Variants in PDE6A observed in about 807,000 individuals in gnomAD.
The protein encoded by PDE6A is rod cGMP-specific 3',5'-cyclic phosphodiesterase subunit alpha.
Under a neutral mutation model 106.3 loss-of-function variants are expected in PDE6A, and 84 were observed. That is an observed-to-expected ratio of 0.79 (90% CI 0.66 to 0.95). The LOEUF (loss-of-function observed/expected upper bound fraction) is 0.95, where lower values mean the gene tolerates loss of function less well. Ranked by LOEUF, PDE6A falls within the 40% of genes least tolerant of loss-of-function variation. The pLI is 0.00. For synonymous variants in PDE6A, 394 were observed against 386.6 expected (o/e 1.02, Z -0.23); for missense variants, 1,052 against 1,084.9 (o/e 0.97, Z 0.43).
At chr5:149,912,227 C>A (rs1224772248) in intron 6 of PDE6A, among the ~76,000 whole-genome samples, 1 of 152,174 alleles carries the variant, frequency 6.6e-6, no homozygotes, top group Non-Finnish European at 1.5e-5. Flanking sequence ...AAGCAATCCT[C>A]CTGCCTCAGC....
rs1216725411 is a variant in PDE6A at position 149,944,275 on chromosome 5, G to A, written c.399C>T (p.Val133=). 1 of 1,614,028 alleles carries A rather than the reference G, an allele frequency of 6.2e-7. No homozygotes were observed. The highest frequency in any genetic ancestry group is 8.5e-7 in the Non-Finnish European group (1 of 1,180,012). ...CCACGATGCCCATGTCCAAAGGGAA[G>A]ACGATCTCTTGGTCGGGCATCACCA... ...DCLVMPDQEI[V]FPLDMGIVGH... The change falls in exon 1 of 22, where the codon GTC becomes GTT. Residue 133 remains valine (V), a synonymous_variant. Coordinates refer to ENST00000255266, the MANE Select transcript of PDE6A (RefSeq NM_000440.3).
At chr5:149,904,119 C>T (rs1040729710) in intron 7 of PDE6A, among the ~76,000 whole-genome samples, 6 of 152,080 alleles carry the variant, frequency 3.9e-5, no homozygotes, top group Admixed American at 2.0e-4. Context: ...TGGTGGCGTG[C>T]GCCTGTAATC....
At chr5:149,927,552 G>T (rs1753898595) in intron 4 of PDE6A, among the ~76,000 whole-genome samples, 1 of 151,938 alleles carries the variant, frequency 6.6e-6, no homozygotes, top group African/African-American at 2.4e-5. Flanking sequence ...AGCTGGGATT[G>T]CAGGTATGAG....
chr5:149,884,354 ATGTGTATATATGTATATATG>A, intron 16 of PDE6A, 105 bp downstream of exon 16: 1 of 676,012 alleles, frequency 1.5e-6, no homozygotes, highest in Non-Finnish European at 2.7e-6. Flanking sequence ...GTGTGTATAT[ATGTGTATATATGTATATATG>A]TGTGTATATA....
Position 149,889,290 on chromosome 5 carries a change from T to G in PDE6A, c.1729-2916A>C, listed in dbSNP as rs562452662. ...AGGTAATTGACCTAGGAAACAAAGA[T>G]TCTGTGCTTTACCAAATTAATTTCC... On this transcript the variant is annotated intron_variant, in intron 13 of 21. Transcript: ENST00000255266. 4.6e-5 allele frequency among the ~76,000 whole-genome samples: 7 copies of G among 152,122 alleles called. No homozygotes were observed. The South Asian group carries it at 1.2e-3, about 27-fold the overall frequency.
intron 7 of PDE6A, among the ~76,000 whole-genome samples, chr5:149,906,536 A>AAAAAAAAAAAAAAAAAAAAAAAAAAAC (rs1753195410): frequency 6.7e-6 from 1 of 149,576 alleles, no homozygotes; most frequent in African/African-American, 2.5e-5. Context: ...AAAAAAAAAA[A>AAAAAAAAAAAAAAAAAAAAAAAAAAAC]AATCCCACCT....
chr5:149,901,161 C>G (rs1296290089), intron 8 of PDE6A, among the ~76,000 whole-genome samples: 2 of 152,124 alleles, frequency 1.3e-5, no homozygotes, highest in Non-Finnish European at 2.9e-5. Context: ...GGTAATCTGC[C>G]CGCCTCGGTC....
In PDE6A at chr5:149,912,334, T is replaced by C. The variant is rs200270466; in HGVS notation, c.998+2609A>G. On this transcript the variant is annotated intron_variant, in intron 6 of 21. Transcript: ENST00000255266. ...GCCTTCCTTTGGTTTGATTAGTCAT[T>C]TATTTACTATTCAATTTTCCCCTCT... Among the ~76,000 whole-genome samples the C allele has an allele frequency of 9.8e-5, 15 of 152,290 alleles. No homozygotes were observed. In the East Asian group the frequency reaches 2.9e-3, roughly 29 times the overall value.
intron 4 of PDE6A, among the ~76,000 whole-genome samples, chr5:149,928,237 T>A (rs1356660140): frequency 9.3e-4 from 39 of 41,744 alleles, no homozygotes; most frequent in South Asian, 2.2e-3. Flanking sequence ...ATATATTTTT[T>A]TTTTTTTTTT....
intron 21 of PDE6A, among the ~76,000 whole-genome samples, chr5:149,862,485 G>A (rs1273470542): frequency 2.0e-5 from 3 of 152,174 alleles, no homozygotes; most frequent in African/African-American, 4.8e-5. Context: ...AAGTCCGGAC[G>A]CGGTGGCTTA....
At chr5:149,918,707 G>A (rs796973633) in intron 5 of PDE6A, among the ~76,000 whole-genome samples, 3 of 152,198 alleles carry the variant, frequency 2.0e-5, no homozygotes, top group African/African-American at 7.2e-5. Context: ...AGTTTCCCAG[G>A]CTCAAGCAAT....
At position 149,866,199 on chromosome 5, in the gene PDE6A, T is replaced by C; in HGVS notation, c.2329A>G (p.Ile777Val). 3 of 1,614,168 alleles carry C rather than the reference T, an allele frequency of 1.9e-6. No individual in the cohort carries two copies. The highest frequency in any genetic ancestry group is 1.7e-6 in the Non-Finnish European group (2 of 1,179,982). ...TAGACGAAGGTGCAAACAAAGTCAA[T>C]GAAGCCGACTTGAAGCTTAGGGAGT... ...DELPKLQVGF[I>V]DFVCTFVYKE... Residue 777 changes from isoleucine to valine, a missense_variant, in exon 20 of 22, where the codon ATT becomes GTT. Coordinates refer to ENST00000255266, the MANE Select transcript of PDE6A (RefSeq NM_000440.3).
intron 18 of PDE6A, 53 bp downstream of exon 18, chr5:149,868,042 T>C (rs1760396317): frequency 6.5e-7 from 1 of 1,550,312 alleles, no homozygotes; most frequent in Non-Finnish European, 8.9e-7. Flanking sequence ...CCTCATGACC[T>C]GATGCCCCCA....
At chr5:149,889,957 ATT>A (rs111949887) in intron 13 of PDE6A, among the ~76,000 whole-genome samples, 16 of 121,348 alleles carry the variant, frequency 1.3e-4, no homozygotes, top group African/African-American at 1.9e-4. Context: ...AGTCATATTC[ATT>A]TTTTTTTTTT....
chr5:149,916,260 G>C (rs1347511208), intron 5 of PDE6A, among the ~76,000 whole-genome samples: 1 of 152,198 alleles, frequency 6.6e-6, no homozygotes. Flanking sequence ...ATTAAATATA[G>C]AGATTCGTCT....
At chr5:149,932,753 G>T in intron 3 of PDE6A, 2 of 1,140,782 alleles carry the variant, frequency 1.8e-6, no homozygotes, top group Non-Finnish European at 2.6e-6. Context: ...GTCGGCTTCT[G>T]TGCTTCATAT....
In PDE6A at chr5:149,885,015, A is replaced by G. The variant is rs1276696085; in HGVS notation, c.1839-148T>C. On this transcript the variant is annotated intron_variant, in intron 14 of 21. Transcript: ENST00000255266. ...GAACTCATTAGAGAATCTACTAAAT[A>G]GCATGGACCCCTTCCCCAGAGAAAG... 8.6e-6 allele frequency: 6 copies of G among 699,610 alleles called. No homozygotes were observed. The East Asian group carries it at 1.6e-4, about 19-fold the overall frequency. 43.3% of individuals were successfully genotyped at this position (699,610 alleles called of 1,614,324 possible).
At chr5:149,883,947 C>A (rs925081907) in intron 16 of PDE6A, among the ~76,000 whole-genome samples, 6 of 152,028 alleles carry the variant, frequency 3.9e-5, no homozygotes, top group Admixed American at 3.3e-4. Context: ...AATCCCAATA[C>A]TTTGGGAGGC....
chr5:149,916,897 G>A (rs1217646717), intron 5 of PDE6A, among the ~76,000 whole-genome samples: 4 of 152,146 alleles, frequency 2.6e-5, no homozygotes, highest in Admixed American at 2.0e-4. Flanking sequence ...GAACAGGGTT[G>A]CTCAGAGTGT....
Sources: gnomAD v4.1 joint callset for allele counts (sites outside exome capture counted in the v4.1 genomes callset) on GRCh38, gnomAD v4.1.1 for gene constraint, MANE v1.5 for transcripts, NCBI Gene and HGNC (gene_info 2026-07-23, HGNC 2026-07-21) for gene names.